The following RSF1 variants were observed in gnomAD, a reference collection of about 807,000 sequenced individuals.
The protein encoded by RSF1 is remodeling and spacing factor 1, also known as HBV pX-associated protein 8.
In RSF1, 13 loss-of-function variants were observed where a neutral mutation model predicts 145.2. That is an observed-to-expected ratio of 0.09 (90% confidence interval 0.06 to 0.14). RSF1 has a LOEUF of 0.14. Ranked by LOEUF, RSF1 falls within the 10% of genes least tolerant of loss-of-function variation. RSF1 has a pLI of 1.00. For missense variants in RSF1, 1,517 were observed against 1,718.2 expected (o/e 0.88, Z 2.07); for synonymous variants, 577 against 592.6 (o/e 0.97, Z 0.38).
intron 7 of RSF1, among the ~76,000 whole-genome samples, chr11:77,694,188 A>C (rs960783651): frequency 6.6e-6 from 1 of 152,240 alleles, no homozygotes; most frequent in Non-Finnish European, 1.5e-5. Context: ...CATTCAGTAT[A>C]TAGTCATAAA....
At chr11:77,731,000 G>C (rs1205088217) in intron 4 of RSF1, among the ~76,000 whole-genome samples, 1 of 152,184 alleles carries the variant, frequency 6.6e-6, no homozygotes, top group African/African-American at 2.4e-5. Flanking sequence ...CTGAAAATGT[G>C]GAAGTGGCTT....
At chr11:77,669,775 T>A (rs1959471477) in intron 15 of RSF1, among the ~76,000 whole-genome samples, 1 of 152,200 alleles carries the variant, frequency 6.6e-6, no homozygotes, top group Non-Finnish European at 1.5e-5. Flanking sequence ...CTCAGCTTTT[T>A]GAGAAAGCAG....
At position 77,808,829 on chromosome 11, in the gene RSF1, G is replaced by A. The variant is rs541109737; in HGVS notation, c.187+11699C>T. On this transcript the variant is annotated intron_variant, in intron 1 of 15. Coordinates refer to ENST00000308488, the MANE Select transcript of RSF1 (RefSeq NM_016578.4). ...ATTACAGGCGTGAGCCACCGCGCCC[G>A]GCCTCAAATATTATACCTTTTAAAA... Among the ~76,000 whole-genome samples the A allele has an allele frequency of 5.8e-5, 6 of 104,230 alleles. 1 individual carries two copies. Among genetic ancestry groups the A allele is most frequent in the East Asian group, 2.9e-4 (1 of 3,504 alleles). The allele number at this position is 104,230 out of a possible 152,430, so 68.4% of individuals were successfully genotyped here.
chr11:77,784,347 T>A (rs188620222), intron 1 of RSF1, among the ~76,000 whole-genome samples: 1 of 152,314 alleles, frequency 6.6e-6, no homozygotes, highest in Admixed American at 6.5e-5. Context: ...TCTATATGTT[T>A]ATTTTTCTTA....
chr11:77,764,465 CAT>C (rs1249883517), intron 2 of RSF1, 131 bp downstream of exon 2: 2 of 600,854 alleles, frequency 3.3e-6, no homozygotes, highest in Non-Finnish European at 5.8e-6. Context: ...TACTTGCAGT[CAT>C]GTGGATTTTG....
the RSF1 span, among the ~76,000 whole-genome samples, chr11:77,860,563 G>A: frequency 1.3e-5 from 2 of 152,222 alleles, no homozygotes; most frequent in East Asian, 3.9e-4. Flanking sequence ...TTCTGAAAGG[G>A]CAGCTAAAAG....
intron 14 of RSF1, among the ~76,000 whole-genome samples, chr11:77,672,881 C>T (rs1317473996): frequency 6.6e-6 from 1 of 152,164 alleles, no homozygotes; most frequent in Non-Finnish European, 1.5e-5. Flanking sequence ...TGGGGTTTCG[C>T]CATGTTGGCC....
upstream of RSF1, among the ~76,000 whole-genome samples, chr11:77,825,220 G>A (rs2136034305): frequency 6.6e-6 from 1 of 151,862 alleles, no homozygotes; most frequent in Admixed American, 6.6e-5. Flanking sequence ...CTGACCTTGT[G>A]ATCTGCTCAC....
intron 1 of RSF1, among the ~76,000 whole-genome samples, chr11:77,807,162 A>T (rs1392110246): frequency 6.6e-6 from 1 of 152,176 alleles, no homozygotes; most frequent in Non-Finnish European, 1.5e-5. Flanking sequence ...CTTATCAGAA[A>T]CCTAATGTAT....
In RSF1 at chr11:77,731,523, G is replaced by A. The variant is rs1461450017; in HGVS notation, c.579-5824C>T. Among the ~76,000 whole-genome samples the A allele has an allele frequency of 3.9e-5, 6 of 152,354 alleles. No homozygotes were observed. In the East Asian group the frequency reaches 1.2e-3, roughly 29 times the overall value. On this transcript the variant is annotated intron_variant, in intron 4 of 15. Coordinates refer to ENST00000308488, the MANE Select transcript of RSF1 (RefSeq NM_016578.4). ...CCAAATGTTATCCCTGAGACAATGG[G>A]GAAAATGTCTCCAGGCATGTCAGAG...
intron 4 of RSF1, among the ~76,000 whole-genome samples, chr11:77,737,508 C>T (rs898640135): frequency 3.3e-5 from 5 of 150,784 alleles, no homozygotes; most frequent in African/African-American, 4.9e-5. Context: ...CGGAAAACTG[C>T]GTGCAGGCAT....
At chr11:77,758,549 T>C (rs978173363) in intron 2 of RSF1, among the ~76,000 whole-genome samples, 1 of 152,206 alleles carries the variant, frequency 6.6e-6, no homozygotes, top group African/African-American at 2.4e-5. Flanking sequence ...AGCTGTACCA[T>C]ATTACACTCT....
intron 4 of RSF1, among the ~76,000 whole-genome samples, chr11:77,737,901 G>A (rs905181715): frequency 7.9e-5 from 12 of 152,080 alleles, no homozygotes; most frequent in South Asian, 2.1e-4. Flanking sequence ...AGGCTGAGGC[G>A]GGCAGATCAC....
intron 5 of RSF1, among the ~76,000 whole-genome samples, chr11:77,711,983 TTGG>T (rs903559242): frequency 1.7e-4 from 25 of 148,384 alleles, no homozygotes; most frequent in African/African-American, 5.9e-4. Flanking sequence ...TTGGGCTTGT[TTGG>T]TGTTTTCTCT....
the RSF1 span, among the ~76,000 whole-genome samples, chr11:77,854,493 C>T: frequency 6.6e-6 from 1 of 152,204 alleles, no homozygotes; most frequent in Non-Finnish European, 1.5e-5. Context: ...AAAGAAGCTA[C>T]AGGCCCATGC....
intron 1 of RSF1, among the ~76,000 whole-genome samples, chr11:77,795,021 T>C (rs536097041): frequency 1.3e-5 from 2 of 151,996 alleles, no homozygotes; most frequent in East Asian, 1.9e-4. Context: ...AATCAACATA[T>C]AAAAATCAGT....
intron 15 of RSF1, among the ~76,000 whole-genome samples, chr11:77,669,144 C>T (rs1414492986): frequency 6.6e-6 from 1 of 152,168 alleles, no homozygotes; most frequent in Non-Finnish European, 1.5e-5. Context: ...TTCTCTCATC[C>T]AACCCAACAG....
At chr11:77,870,079 T>G in the RSF1 span, 1 of 224,904 alleles carries the variant, frequency 4.4e-6, no homozygotes, top group Non-Finnish European at 8.6e-6. Flanking sequence ...TCCTTTATAT[T>G]TTAATAATAC....
intron 2 of RSF1, among the ~76,000 whole-genome samples, chr11:77,756,358 C>CAAAAAA (rs936128985): frequency 1.8e-5 from 1 of 54,292 alleles, no homozygotes; most frequent in Non-Finnish European, 4.0e-5. Context: ...AACTCTGTCT[C>CAAAAAA]AAAAAAAAAA....
Sources: gnomAD v4.1 joint callset for allele counts (sites outside exome capture counted in the v4.1 genomes callset) on GRCh38, gnomAD v4.1.1 for gene constraint, MANE v1.5 for transcripts, NCBI Gene and HGNC (gene_info 2026-07-23, HGNC 2026-07-21) for gene names.